The following ZMYM2 variants were observed in gnomAD, a reference collection of about 807,000 sequenced individuals.
ZMYM2 encodes the protein zinc finger MYM-type containing 2, also known as zinc finger MYM-type protein 2.
Under a neutral mutation model 162.8 loss-of-function variants are expected in ZMYM2, and 56 were observed. That is an observed-to-expected ratio of 0.34 (90% confidence interval 0.28 to 0.43). The LOEUF is 0.43. Among genes scored for constraint, ZMYM2 ranks in the 20% least tolerant of loss-of-function variants. The pLI is 1.00. For missense variants in ZMYM2, 1,275 were observed against 1,621.8 expected, an observed-to-expected ratio of 0.79 and a Z score of 3.67; for synonymous variants, 510 against 541.6, an observed-to-expected ratio of 0.94 and a Z score of 0.81.
intron 2 of ZMYM2, among the ~76,000 whole-genome samples, chr13:19,980,259 G>A (rs138639369): frequency 7.2e-5 from 11 of 152,010 alleles, no homozygotes; most frequent in Non-Finnish European, 1.2e-4. Context: ...TTGCTTCCCA[G>A]TTGTTTTATA....
intron 21 of ZMYM2, among the ~76,000 whole-genome samples, chr13:20,074,018 A>G (rs953975395): frequency 1.3e-5 from 2 of 151,860 alleles, no homozygotes; most frequent in South Asian, 2.1e-4. Flanking sequence ...ATAACTCTCC[A>G]TTTCCTTCTC....
At chr13:19,931,147 A>AAAAT in the ZMYM2 span, among the ~76,000 whole-genome samples, 30 of 147,258 alleles carry the variant, frequency 2.0e-4, no homozygotes, top group African/African-American at 7.2e-4. Context: ...TCAAAAAAAA[A>AAAAT]AATAATAATA....
chr13:20,079,677 C>A (rs528305687), intron 21 of ZMYM2, among the ~76,000 whole-genome samples: 1 of 152,208 alleles, frequency 6.6e-6, no homozygotes, highest in East Asian at 1.9e-4. Context: ...CATTCTGTAA[C>A]AAGAACAGCA....
chr13:19,975,861 A>AATGTATGTATGTATGTATGTATGT (rs71070281), intron 2 of ZMYM2, among the ~76,000 whole-genome samples: 1 of 146,890 alleles, frequency 6.8e-6, no homozygotes, highest in Non-Finnish European at 1.5e-5. Context: ...CCATTTTTAA[A>AATGTATGTATGTATGTATGTATGT]ATGTATGTAT....
chr13:19,884,830 A>G, the ZMYM2 span, among the ~76,000 whole-genome samples: 2 of 152,102 alleles, frequency 1.3e-5, no homozygotes, highest in Admixed American at 6.6e-5. Flanking sequence ...ACATTCCAGC[A>G]GTAAAAGAAA....
chr13:19,948,593 G>T, the ZMYM2 span, among the ~76,000 whole-genome samples: 2 of 152,154 alleles, frequency 1.3e-5, no homozygotes, highest in African/African-American at 4.8e-5. Flanking sequence ...TGGTTACTAC[G>T]GGTTATAGGG....
the ZMYM2 span, among the ~76,000 whole-genome samples, chr13:19,925,984 G>A: frequency 1.2e-3 from 186 of 149,618 alleles, 2 homozygotes; most frequent in Middle Eastern, 3.4e-3. Flanking sequence ...TTTTTGAGAC[G>A]GAGTCTTGCT....
chr13:20,027,124 C>T (rs1158635286), intron 8 of ZMYM2, 79 bp from the exon 9 acceptor site: 2 of 938,412 alleles, frequency 2.1e-6, no homozygotes, highest in Middle Eastern at 3.3e-4. Flanking sequence ...ACAGAAACTT[C>T]TATGATCTCA....
chr13:19,951,304 G>C, the ZMYM2 span, among the ~76,000 whole-genome samples: 10 of 151,916 alleles, frequency 6.6e-5, no homozygotes, highest in Admixed American at 4.6e-4. Flanking sequence ...TGAAATGAGA[G>C]ACTTTATTTA....
rs142617320 is a variant in ZMYM2, at chr13:20,061,264, C to A, written c.2911+40C>A. 2.3e-5 allele frequency: 37 copies of A among 1,590,016 alleles called. No individual in the cohort carries two copies. The Middle Eastern group carries it at 7.0e-4, about 30-fold the overall frequency. On this transcript the variant is annotated intron_variant, in intron 17 of 24. Transcript: ENST00000610343. ...ATTATACCTTGCGAATAAGTGTTAA[C>A]ATTGGTTATTTATAAGTATTGTTAC...
intron 2 of ZMYM2, among the ~76,000 whole-genome samples, chr13:19,967,431 G>T (rs1045386008): frequency 9.9e-5 from 15 of 152,186 alleles, no homozygotes; most frequent in Admixed American, 1.3e-4. Flanking sequence ...CATGACATGA[G>T]TTGGAGTCAT....
chr13:20,058,509 A>G (rs997624248), intron 14 of ZMYM2, 66 bp from the exon 15 acceptor site: 8 of 1,539,558 alleles, frequency 5.2e-6, no homozygotes, highest in Non-Finnish European at 7.0e-6. Flanking sequence ...AAAATCCTTC[A>G]TTGACACTAG....
chr13:19,918,495 CTT>C, the ZMYM2 span, among the ~76,000 whole-genome samples: 6,880 of 107,088 alleles, frequency 0.064, 96 homozygotes, highest in Middle Eastern at 0.1. Flanking sequence ...TTCTTTCTTT[CTT>C]TTTTTTTTTT....
intron 2 of ZMYM2, among the ~76,000 whole-genome samples, chr13:19,991,256 G>C (rs1048161854): frequency 2.6e-5 from 4 of 152,034 alleles, no homozygotes; most frequent in Non-Finnish European, 2.9e-5. Context: ...CAGGACTACA[G>C]ATGTGCGCCA....
the ZMYM2 span, among the ~76,000 whole-genome samples, chr13:19,876,458 G>A: frequency 8.5e-5 from 13 of 152,092 alleles, no homozygotes; most frequent in Admixed American, 5.2e-4. Flanking sequence ...GAGTAGCTGC[G>A]ACTACAGGCA....
At chr13:20,061,971 C>T (rs961668034) in intron 17 of ZMYM2, among the ~76,000 whole-genome samples, 2 of 152,250 alleles carry the variant, frequency 1.3e-5, no homozygotes, top group South Asian at 2.1e-4. Context: ...GCAGTGCTTG[C>T]GCTACATGGT....
At chr13:19,884,802 C>T in the ZMYM2 span, among the ~76,000 whole-genome samples, 3 of 152,138 alleles carry the variant, frequency 2.0e-5, no homozygotes, top group African/African-American at 7.2e-5. Context: ...ACAAAATCTT[C>T]AACAAGCCAT....
intron 2 of ZMYM2, among the ~76,000 whole-genome samples, chr13:19,970,986 G>A (rs919295716): frequency 1.3e-5 from 2 of 151,984 alleles, no homozygotes; most frequent in Non-Finnish European, 2.9e-5. Context: ...GGAAGATCCT[G>A]AGATGAGGAG....
chr13:19,906,333 ATGTGTATATATATGTG>A, the ZMYM2 span, among the ~76,000 whole-genome samples: 3 of 99,638 alleles, frequency 3.0e-5, no homozygotes, highest in Admixed American at 1.1e-4. Context: ...TGTTGTATGT[ATGTGTATATATATGTG>A]TGTGTATATA....
Sources: allele counts gnomAD v4.1 joint callset (sites outside exome capture counted in the v4.1 genomes callset), GRCh38; gene constraint gnomAD v4.1.1; transcripts MANE v1.5; gene names NCBI Gene and HGNC (gene_info 2026-07-23, HGNC 2026-07-21).